CNTN4: variants seen among roughly 807,000 people sequenced by gnomAD.
CNTN4 encodes the protein contactin 4, also known as contactin-4.
Under a neutral mutation model 122.5 loss-of-function variants are expected in CNTN4, and 77 were observed. The ratio of observed to expected loss-of-function variants is 0.63; its 90% CI spans 0.52 to 0.76. CNTN4 has a LOEUF of 0.76. Ranked by LOEUF, CNTN4 falls within the 30% of genes least tolerant of loss-of-function variation. The pLI is 0.00. For synonymous variants in CNTN4, 512 were observed against 447.0 expected, an observed-to-expected ratio of 1.15 and a Z score of -1.83; for missense variants, 1,256 against 1,259.1, an observed-to-expected ratio of 1.00 and a Z score of 0.04.
chr3:2,366,619 C>T (rs189983725), intron 3 of CNTN4, among the ~76,000 whole-genome samples: 233 of 151,826 alleles, frequency 1.5e-3, no homozygotes, highest in Non-Finnish European at 2.8e-3. Context: ...CCCAGCTACT[C>T]GGGAAACTGA....
intron 2 of CNTN4, among the ~76,000 whole-genome samples, chr3:2,338,368 T>C (rs1007311205): frequency 3.3e-5 from 5 of 152,014 alleles, no homozygotes; most frequent in African/African-American, 4.8e-5. Context: ...ATCCAATCAA[T>C]TATGTTATAT....
chr3:2,123,649 A>C (rs2033938284), intron 2 of CNTN4, among the ~76,000 whole-genome samples: 1 of 152,206 alleles, frequency 6.6e-6, no homozygotes, highest in Non-Finnish European at 1.5e-5. Flanking sequence ...GTAGTTTTCT[A>C]GCGCTACACT....
chr3:2,126,909 T>C (rs1210759267), intron 2 of CNTN4, among the ~76,000 whole-genome samples: 1 of 152,176 alleles, frequency 6.6e-6, no homozygotes, highest in Non-Finnish European at 1.5e-5. Flanking sequence ...GCTGCACAAG[T>C]GTGGCACACC....
At chr3:2,282,231 A>T (rs2149905070) in intron 2 of CNTN4, among the ~76,000 whole-genome samples, 1 of 152,314 alleles carries the variant, frequency 6.6e-6, no homozygotes, top group South Asian at 2.1e-4. Flanking sequence ...TGTAGCAAAC[A>T]TTATAAAATT....
chr3:3,021,366 A>G (rs1316475682), intron 14 of CNTN4, among the ~76,000 whole-genome samples: 1 of 152,032 alleles, frequency 6.6e-6, no homozygotes, highest in East Asian at 1.9e-4. Flanking sequence ...ATTAATCAAC[A>G]CTCTTTGCTG....
At chr3:2,866,643 G>C in intron 7 of CNTN4, 109 bp from the exon 8 acceptor site, 1 of 1,258,972 alleles carries the variant, frequency 7.9e-7, no homozygotes. Flanking sequence ...CTGAAAAAGA[G>C]TCATTGGACA....
At chr3:2,917,265 CG>C (rs2094376475) in intron 12 of CNTN4, among the ~76,000 whole-genome samples, 1 of 151,174 alleles carries the variant, frequency 6.6e-6, no homozygotes, top group Non-Finnish European at 1.5e-5. Flanking sequence ...AGTCCAGCTT[CG>C]GCATCAGAGG....
At chr3:3,039,713 G>A (rs1699964046) in intron 19 of CNTN4, 3 of 366,326 alleles carry the variant, frequency 8.2e-6, no homozygotes, top group African/African-American at 6.3e-5. Flanking sequence ...GAGGATACGT[G>A]TTGGAAATGT....
At chr3:2,985,406 G>C (rs17595878) in intron 13 of CNTN4, 3 of 152,192 alleles carry the variant, frequency 2.0e-5, no homozygotes, top group African/African-American at 7.2e-5. Context: ...TTGTCACTTT[G>C]GGTTCAGACA....
chr3:2,672,058 G>C (rs1052637646), intron 4 of CNTN4, among the ~76,000 whole-genome samples: 7 of 152,208 alleles, frequency 4.6e-5, no homozygotes, highest in Non-Finnish European at 7.4e-5. Flanking sequence ...CTACTCAGGG[G>C]TCAGGGACCC....
Position 2,779,252 on chromosome 3 carries a change from TG to T in CNTN4, c.358+33556del, listed in dbSNP as rs5846220. ...AGGTTGTGGTGTTGTTTGTTTTGTT[TG>T]TTTGTTTGTTTGTTTGTTTTTGTTG... On this transcript the variant is annotated intron_variant, in intron 6 of 24. Transcript: ENST00000418658. Among the ~76,000 whole-genome samples the T allele has an allele frequency of 1.1e-4, 8 of 71,964 alleles. No individual in the cohort carries two copies. The East Asian group carries it at 3.0e-3, about 27-fold the overall frequency. The allele number at this position is 71,964 out of a possible 152,430, so 47.2% of individuals were successfully genotyped here.
chr3:2,234,302 CAGG>C (rs1331949287), intron 2 of CNTN4, among the ~76,000 whole-genome samples: 3 of 138,084 alleles, frequency 2.2e-5, no homozygotes, highest in Non-Finnish European at 4.5e-5. Context: ...CACTTGAACC[CAGG>C]AGGAGGAGGT....
intron 3 of CNTN4, among the ~76,000 whole-genome samples, chr3:2,384,859 C>T (rs2046184204): frequency 1.3e-5 from 2 of 151,752 alleles, no homozygotes; most frequent in Admixed American, 6.6e-5. Context: ...CTTTTTTTAA[C>T]CTATTTTTGC....
At chr3:2,142,267 T>C (rs2035029047) in intron 2 of CNTN4, among the ~76,000 whole-genome samples, 1 of 152,254 alleles carries the variant, frequency 6.6e-6, no homozygotes, top group Non-Finnish European at 1.5e-5. Context: ...AAATATTTCA[T>C]AATTTCTCCA....
chr3:2,369,322 A>C (rs556586624), intron 3 of CNTN4, among the ~76,000 whole-genome samples: 2 of 152,300 alleles, frequency 1.3e-5, no homozygotes, highest in East Asian at 3.9e-4. Context: ...AAAACAGGTG[A>C]GAGTAGGACT....
chr3:2,924,046 G>A (rs986434711), intron 12 of CNTN4, among the ~76,000 whole-genome samples: 10 of 151,926 alleles, frequency 6.6e-5, no homozygotes, highest in African/African-American at 1.9e-4. Context: ...TAAATCTGAG[G>A]TAAACAGATT....
At chr3:2,930,930 T>C (rs2094514909) in intron 13 of CNTN4, among the ~76,000 whole-genome samples, 3 of 152,182 alleles carry the variant, frequency 2.0e-5, no homozygotes, top group Non-Finnish European at 4.4e-5. Flanking sequence ...AAAGGTGATG[T>C]ATTGAGAAGG....
chr3:2,287,655 GAAGAAGAA>G (rs2041961038), intron 2 of CNTN4, among the ~76,000 whole-genome samples: 1 of 27,954 alleles, frequency 3.6e-5, no homozygotes, highest in African/African-American at 8.5e-5. Context: ...AGAAGAAGAA[GAAGAAGAA>G]GAAGAAGAAG....
intron 3 of CNTN4, among the ~76,000 whole-genome samples, chr3:2,431,604 C>G (rs897197063): frequency 6.6e-6 from 1 of 152,242 alleles, no homozygotes; most frequent in Non-Finnish European, 1.5e-5. Flanking sequence ...CCAATCAACT[C>G]AGAGGGACTG....
Sources: allele counts gnomAD v4.1 joint callset (sites outside exome capture counted in the v4.1 genomes callset), GRCh38; gene constraint gnomAD v4.1.1; transcripts MANE v1.5; gene names NCBI Gene and HGNC (gene_info 2026-07-23, HGNC 2026-07-21).